Variants in KCNMA1 observed in about 807,000 individuals in gnomAD.
KCNMA1 encodes the protein potassium calcium-activated channel subfamily M alpha 1, also known as Calcium-activated potassium channel subunit alpha-1.
In KCNMA1, 29 loss-of-function variants were observed where a neutral mutation model predicts 140.0. That is an observed-to-expected ratio of 0.21 (90% CI 0.15 to 0.28). KCNMA1 has a LOEUF of 0.28. KCNMA1 is among the 10% of genes least tolerant of loss of function. KCNMA1 has a pLI of 1.00. For missense variants in KCNMA1, 880 were observed against 1,602.2 expected, an observed-to-expected ratio of 0.55 and a Z score of 7.70; for synonymous variants, 612 against 611.9, an observed-to-expected ratio of 1.00 and a Z score of 0.00.
chr10:77,507,703 C>T (rs892964177), intron 1 of KCNMA1, among the ~76,000 whole-genome samples: 1 of 152,194 alleles, frequency 6.6e-6, no homozygotes, highest in Admixed American at 6.5e-5. Context: ...CCCCTGAGCT[C>T]CCTCTTGAAA....
chr10:77,117,560 A>G (rs187742701), intron 6 of KCNMA1, among the ~76,000 whole-genome samples: 1,682 of 149,984 alleles, frequency 0.011, 106 homozygotes, highest in Admixed American at 0.092. Context: ...AAAAAAAAAA[A>G]AAAAAGAAAA....
At chr10:77,482,499 CAA>C (rs2098409844) in intron 1 of KCNMA1, among the ~76,000 whole-genome samples, 1 of 152,180 alleles carries the variant, frequency 6.6e-6, no homozygotes, top group Admixed American at 6.5e-5. Flanking sequence ...GCAGCAGAAA[CAA>C]AGCTTTTGGA....
At chr10:77,419,273 G>A (rs2096815681) in intron 1 of KCNMA1, among the ~76,000 whole-genome samples, 1 of 152,200 alleles carries the variant, frequency 6.6e-6, no homozygotes, top group South Asian at 2.1e-4. Flanking sequence ...ACCTGCCAGA[G>A]CGCTGCAGGC....
intron 3 of KCNMA1, among the ~76,000 whole-genome samples, chr10:77,187,645 AG>A (rs1359949416): frequency 6.6e-6 from 1 of 152,156 alleles, no homozygotes; most frequent in Non-Finnish European, 1.5e-5. Context: ...CAATAATATG[AG>A]GGGGCAGGGG....
intron 1 of KCNMA1, among the ~76,000 whole-genome samples, chr10:77,485,688 G>A (rs1437376726): frequency 1.3e-5 from 2 of 152,210 alleles, no homozygotes; most frequent in African/African-American, 2.4e-5. Flanking sequence ...ACAAGCAAGA[G>A]CAGGAGACTG....
rs511926 is a variant in KCNMA1 at position 77,242,901 on chromosome 10, C to A, written c.602+8294G>T. 9.8e-3 allele frequency among the ~76,000 whole-genome samples: 437 copies of A among 44,456 alleles called. 2 individuals are homozygous for A. The highest frequency in any genetic ancestry group is 0.031 in the African/African-American group (387 of 12,458). 29.2% of individuals were successfully genotyped at this position (44,456 alleles called of 152,430 possible). On this transcript the variant is annotated intron_variant, in intron 3 of 27. Transcript: ENST00000286628. ...TTAGGCAGGACATAATTGTTTCCTACACACACACACACACACACACACACA... is the reference window on the plus strand; with the variant it reads ...TTAGGCAGGACATAATTGTTTCCTAAACACACACACACACACACACACACA...
chr10:77,365,178 A>C (rs1013684871), intron 2 of KCNMA1, among the ~76,000 whole-genome samples: 1 of 152,234 alleles, frequency 6.6e-6, no homozygotes, highest in African/African-American at 2.4e-5. Context: ...AACTGAAAGC[A>C]GTAGCAATTG....
At chr10:77,386,504 A>C (rs921207299) in intron 2 of KCNMA1, among the ~76,000 whole-genome samples, 8 of 152,196 alleles carry the variant, frequency 5.3e-5, no homozygotes, top group Admixed American at 1.3e-4. Flanking sequence ...TTCTCTATCC[A>C]GTCGTAGGTT....
At chr10:77,139,195 C>T (rs2098116771) in intron 5 of KCNMA1, among the ~76,000 whole-genome samples, 1 of 152,214 alleles carries the variant, frequency 6.6e-6, no homozygotes, top group Non-Finnish European at 1.5e-5. Context: ...CATGGTTTTA[C>T]TCAATTATTC....
chr10:77,021,579 T>C (rs1014846827), intron 16 of KCNMA1, among the ~76,000 whole-genome samples: 6 of 152,224 alleles, frequency 3.9e-5, no homozygotes, highest in African/African-American at 1.2e-4. Context: ...GCACAATATC[T>C]GGTGATGGGC....
At position 76,887,151 on chromosome 10, in the gene KCNMA1, G is replaced by T. The variant is rs557364455; in HGVS notation, c.*115C>A. On this transcript the variant is annotated 3_prime_UTR_variant, in exon 28 of 28. Transcript: ENST00000286628. Reference sequence around the variant, plus strand: ...CACTATCATACATATGCAAATATGTGTAAAAAAAAAGGGGGGGACTACAGG... The same window carrying T: ...CACTATCATACATATGCAAATATGTTTAAAAAAAAAGGGGGGGACTACAGG... The T allele has an allele frequency of 4.4e-5, 71 of 1,606,716 alleles. No individual in the cohort carries two copies. In the African/African-American group the frequency reaches 8.2e-4, roughly 18 times the overall value.
intron 2 of KCNMA1, among the ~76,000 whole-genome samples, chr10:77,388,020 C>A (rs1331409816): frequency 6.6e-6 from 1 of 152,100 alleles, no homozygotes; most frequent in African/African-American, 2.4e-5. Context: ...CAGAATGAAC[C>A]CAGAAGATGA....
At chr10:77,119,072 C>T (rs546813171) in intron 6 of KCNMA1, among the ~76,000 whole-genome samples, 76 of 152,304 alleles carry the variant, frequency 5.0e-4, no homozygotes, top group Non-Finnish European at 8.7e-4. Context: ...GTGACTCTTC[C>T]CTAGGGCCAT....
intron 1 of KCNMA1, among the ~76,000 whole-genome samples, chr10:77,630,774 C>T (rs2093086630): frequency 6.6e-6 from 1 of 151,932 alleles, no homozygotes; most frequent in South Asian, 2.1e-4. Context: ...TGAATCACAG[C>T]CTGCATTTTA....
chr10:77,442,021 AAGG>A (rs908831231), intron 1 of KCNMA1, among the ~76,000 whole-genome samples: 7 of 152,166 alleles, frequency 4.6e-5, no homozygotes, highest in Admixed American at 4.6e-4. Flanking sequence ...CTGCGCCAGC[AAGG>A]AGATGTGCTG....
chr10:77,605,978 C>T (rs2084353546), intron 1 of KCNMA1, among the ~76,000 whole-genome samples: 1 of 152,194 alleles, frequency 6.6e-6, no homozygotes, highest in Non-Finnish European at 1.5e-5. Context: ...CGCTACCCTG[C>T]TTCTGCCTGA....
At position 77,049,011 on chromosome 10, in the gene KCNMA1, G is replaced by A. The variant is rs1005162885; in HGVS notation, c.1750-9374C>T. 5.3e-5 allele frequency among the ~76,000 whole-genome samples: 8 copies of A among 152,180 alleles called. 1 individual carries two copies. The highest frequency in any genetic ancestry group is 1.9e-4 in the African/African-American group (8 of 41,516). ...GATCTCCTGACCTGGAGATCCACCCGCCTCGGCCTCCCAAAGTGCTGAGAT... is the reference window on the plus strand; with the variant it reads ...GATCTCCTGACCTGGAGATCCACCCACCTCGGCCTCCCAAAGTGCTGAGAT... On this transcript the variant is annotated intron_variant, in intron 14 of 27. Coordinates refer to ENST00000286628, the MANE Select transcript of KCNMA1 (RefSeq NM_001161352.2).
At chr10:76,935,830 A>T (rs1159029327) in intron 23 of KCNMA1, among the ~76,000 whole-genome samples, 1 of 152,182 alleles carries the variant, frequency 6.6e-6, no homozygotes, top group Non-Finnish European at 1.5e-5. Flanking sequence ...TCTGCTCTGC[A>T]TCCATTTGGA....
intron 5 of KCNMA1, among the ~76,000 whole-genome samples, chr10:77,162,857 G>T (rs2098580779): frequency 6.6e-6 from 1 of 152,182 alleles, no homozygotes; most frequent in South Asian, 2.1e-4. Flanking sequence ...TAATTTTAGA[G>T]TGCATAGCAT....
Sources: gnomAD v4.1 joint callset for allele counts (sites outside exome capture counted in the v4.1 genomes callset) on GRCh38, gnomAD v4.1.1 for gene constraint, MANE v1.5 for transcripts, NCBI Gene and HGNC (gene_info 2026-07-23, HGNC 2026-07-21) for gene names.